Variants in CD46 observed in about 807,000 individuals in gnomAD.
CD46 encodes the protein membrane cofactor protein.
Under a neutral mutation model 53.3 loss-of-function variants are expected in CD46, and 30 were observed. The ratio of observed to expected loss-of-function variants is 0.56; its 90% confidence interval spans 0.42 to 0.76. The LOEUF is 0.76. Among genes scored for constraint, CD46 ranks in the 30% least tolerant of loss-of-function variants. The pLI, the probability that CD46 is intolerant of heterozygous loss-of-function variation, is 0.00. For synonymous variants in CD46, 142 were observed against 152.0 expected, an observed-to-expected ratio of 0.93 and a Z score of 0.48; for missense variants, 409 against 463.0, an observed-to-expected ratio of 0.88 and a Z score of 1.07.
intron 2 of CD46, 76 bp downstream of exon 2, chr1:207,757,278 C>T (rs1356626370): frequency 1.5e-5 from 19 of 1,248,408 alleles, no homozygotes; most frequent in Admixed American, 8.5e-5. Context: ...TATTCCACTA[C>T]GGTGATGATG....
chr1:207,763,172 C>A (rs1176410804), intron 5 of CD46: 6 of 152,608 alleles, frequency 3.9e-5, no homozygotes, highest in African/African-American at 1.4e-4. Context: ...GAGGCTTGGG[C>A]CTGCTGCCGT....
At chr1:207,780,128 TC>T (rs1173228754) in intron 8 of CD46, among the ~76,000 whole-genome samples, 2 of 151,960 alleles carry the variant, frequency 1.3e-5, no homozygotes, top group Non-Finnish European at 2.9e-5. Context: ...AATATTATAA[TC>T]ATCCCACACT....
chr1:207,779,835 C>T (rs1439960551), intron 8 of CD46, among the ~76,000 whole-genome samples: 1 of 146,976 alleles, frequency 6.8e-6, no homozygotes, highest in Non-Finnish European at 1.5e-5. Flanking sequence ...TTGTATCATA[C>T]ATTGCATTCA....
At chr1:207,779,550 G>T in intron 8 of CD46, among the ~76,000 whole-genome samples, 1 of 152,030 alleles carries the variant, frequency 6.6e-6, no homozygotes. Context: ...ATAGGTAGTT[G>T]GATGTATTGA....
chr1:207,794,010 T>TA lies in CD46; in HGVS notation c.*534dup, dbSNP rs1170830078. The TA allele has an allele frequency of 5.6e-6, 1 of 177,218 alleles. No homozygotes were observed. Among genetic ancestry groups the TA allele is most frequent in the East Asian group, 1.4e-4 (1 of 7,032 alleles). 11.0% of individuals were successfully genotyped at this position (177,218 alleles called of 1,614,324 possible). On this transcript the variant is annotated 3_prime_UTR_variant, in exon 13 of 13. Transcript: ENST00000367042. ...TTCACCAACTATAGAATGTATTTTATATATCGTTCATTGTAAAAAGCCCTT... is the reference window on the plus strand; with the variant it reads ...TTCACCAACTATAGAATGTATTTTATAATATCGTTCATTGTAAAAAGCCCTT...
At chr1:207,776,926 A>G (rs571943506) in intron 8 of CD46, among the ~76,000 whole-genome samples, 112 of 152,320 alleles carry the variant, frequency 7.4e-4, no homozygotes, top group Non-Finnish European at 1.5e-3. Context: ...GTGACCCACC[A>G]TGCCCGGCCA....
In CD46 at chr1:207,761,313, A is replaced by G. The variant is rs1656180428; in HGVS notation, c.540A>G (p.Val180=). The G allele has an allele frequency of 1.2e-6, 2 of 1,613,424 alleles. No homozygotes were observed. The highest frequency in any genetic ancestry group is 1.7e-6 in the Non-Finnish European group (2 of 1,179,330). ...AACACACCTTTAGTGAAGTAGAAGT[A>G]TTTGAGTATCTTGATGCAGTAACTT... ...NGKHTFSEVE[V]FEYLDAVTYS... is the part of the protein sequence containing the mutation. Residue 180 remains valine, a synonymous_variant, in exon 5 of 13, where the codon GTA becomes GTG. Transcript: ENST00000367042.
rs569788404 is a variant in CD46, at chr1:207,787,361, C to T, written c.1082+1679C>T. 5.9e-5 allele frequency among the ~76,000 whole-genome samples: 9 copies of T among 152,224 alleles called. No homozygotes were observed. The South Asian group carries it at 1.0e-3, about 18-fold the overall frequency. ...TGCTAGGATTACAGGCATGAGCCAC[C>T]GCGCCCGGCCTTAATGGGTCTTTTA... On this transcript the variant is annotated intron_variant, in intron 11 of 12. Transcript: ENST00000367042.
chr1:207,765,040 C>T (rs1656689788), intron 5 of CD46, among the ~76,000 whole-genome samples: 10 of 152,068 alleles, frequency 6.6e-5, no homozygotes, highest in Admixed American at 6.5e-4. Context: ...GACCAAAAAT[C>T]TTCAACAAAA....
Position 207,794,963 on chromosome 1 carries a change from GA to G in CD46, c.*1487del. 1 of 152,198 alleles carries G rather than the reference GA, an allele frequency of 6.6e-6. No homozygotes were observed. Among genetic ancestry groups the G allele is most frequent in the Non-Finnish European group, 1.5e-5 (1 of 68,016 alleles). 9.4% of individuals were successfully genotyped at this position (152,198 alleles called of 1,614,324 possible). On this transcript the variant is annotated 3_prime_UTR_variant, in exon 13 of 13. Transcript: ENST00000367042. ...AATAAATACTGTTTTACTGTCCAAA[GA>G]CATGTTTATAGTGCTCTGTAAATGT...
intron 8 of CD46, among the ~76,000 whole-genome samples, chr1:207,781,143 T>C (rs949991692): frequency 6.7e-6 from 1 of 149,474 alleles, no homozygotes; most frequent in African/African-American, 2.5e-5. Context: ...TCCTAATAGA[T>C]ATGAAGTAGA....
chr1:207,759,638 G>A lies in CD46; in HGVS notation c.390-1G>A. ...CAGTAACCCTTTCTTTTCTCATTTA[G>A]TTATTACTTAATTGGTGAAGAAATT... On this transcript the variant is annotated splice_acceptor_variant, in intron 3 of 12. Coordinates refer to ENST00000367042, the MANE Select transcript of CD46 (RefSeq NM_172351.3). LOFTEE classifies it high-confidence loss of function. The A allele has an allele frequency of 6.7e-7, 1 of 1,503,320 alleles. No individual in the cohort carries two copies. The highest frequency in any genetic ancestry group is 1.1e-5 in the South Asian group (1 of 88,224). 93.1% of individuals were successfully genotyped at this position (1,503,320 alleles called of 1,614,324 possible).
chr1:207,767,740 A>G, intron 6 of CD46, 39 bp from the exon 7 acceptor site: 2 of 1,601,800 alleles, frequency 1.2e-6, no homozygotes, highest in Non-Finnish European at 1.7e-6. Context: ...ATAACTCCCA[A>G]GTGTTTGGTC....
chr1:207,788,685 A>G (rs1176158075), intron 11 of CD46, among the ~76,000 whole-genome samples: 1 of 152,242 alleles, frequency 6.6e-6, no homozygotes, highest in Non-Finnish European at 1.5e-5. Context: ...AACTGGAAGC[A>G]GGCTAGCAGG....
At chr1:207,770,421 T>C (rs1309559510) in intron 8 of CD46, 59 bp downstream of exon 8, 6 of 1,219,672 alleles carry the variant, frequency 4.9e-6, no homozygotes, top group Non-Finnish European at 7.2e-6. Context: ...ATTTTTATTA[T>C]ACTTTAAGCT....
At chr1:207,758,600 G>A (rs988335728) in intron 3 of CD46, among the ~76,000 whole-genome samples, 3 of 152,136 alleles carry the variant, frequency 2.0e-5, no homozygotes, top group Non-Finnish European at 4.4e-5. Context: ...ACCTCTCAAT[G>A]CTGTTACACT....
intron 9 of CD46, chr1:207,783,602 C>A: frequency 3.7e-6 from 1 of 272,186 alleles, no homozygotes; most frequent in Non-Finnish European, 7.0e-6. Context: ...TTTATTTTTT[C>A]TGTAACACGC....
chr1:207,767,562 A>AT, intron 6 of CD46: 1 of 1,456,294 alleles, frequency 6.9e-7, no homozygotes, highest in Non-Finnish European at 9.6e-7. Context: ...AATGAGAGCA[A>AT]TAACTCCCAA....
rs1372493298 is a variant in CD46 at position 207,752,724 on chromosome 1, G to T, written c.97+415G>T. ...TTGCCCTGTGTTCCCTTGGTGCCTT[G>T]GTGAGTGGGGTGTTCATTAGGGCTT... On this transcript the variant is annotated intron_variant, in intron 1 of 12. Coordinates refer to ENST00000367042, the MANE Select transcript of CD46 (RefSeq NM_172351.3). This position sits in a 1 kb window ranked among gnomAD's most constrained non-coding sequence, Gnocchi z 4.1. 6.6e-6 allele frequency among the ~76,000 whole-genome samples: 1 copy of T among 152,114 alleles called. No homozygotes were observed. The highest frequency in any genetic ancestry group is 1.5e-5 in the Non-Finnish European group (1 of 68,012).
Sources: allele counts gnomAD v4.1 joint callset (sites outside exome capture counted in the v4.1 genomes callset), GRCh38; gene constraint gnomAD v4.1.1; non-coding constraint Gnocchi (gnomAD v3.1); transcripts MANE v1.5; gene names NCBI Gene and HGNC (gene_info 2026-07-23, HGNC 2026-07-21).